Variants in ZBTB40 observed in about 807,000 individuals in gnomAD.
ZBTB40 encodes zinc finger and BTB domain containing 40, also known as zinc finger and BTB domain-containing protein 40.
In ZBTB40, 60 loss-of-function variants were observed where a neutral mutation model predicts 117.5. That is an observed-to-expected ratio of 0.51 (90% CI 0.41 to 0.63). The LOEUF (loss-of-function observed/expected upper bound fraction) is 0.63. Among genes scored for constraint, ZBTB40 ranks in the 30% least tolerant of loss-of-function variants. The pLI is 0.00. For synonymous variants in ZBTB40, 525 were observed against 577.1 expected (o/e 0.91, Z 1.29); for missense variants, 1,287 against 1,498.5 (o/e 0.86, Z 2.33).
chr1:22,496,966 T>G (rs1267591033), intron 3 of ZBTB40, among the ~76,000 whole-genome samples: 1 of 152,170 alleles, frequency 6.6e-6, no homozygotes, highest in Non-Finnish European at 1.5e-5. Context: ...GCCTTCAGTC[T>G]TTTGCCAAAG....
intron 1 of ZBTB40, among the ~76,000 whole-genome samples, chr1:22,444,127 T>C (rs1016891777): frequency 1.3e-5 from 2 of 152,134 alleles, no homozygotes; most frequent in African/African-American, 4.8e-5. Flanking sequence ...AAATAACAAT[T>C]GGTCGCTGGG....
At chr1:22,432,787 C>G (rs1640614115) in intron 1 of ZBTB40, among the ~76,000 whole-genome samples, 1 of 152,150 alleles carries the variant, frequency 6.6e-6, no homozygotes, top group South Asian at 2.1e-4. Flanking sequence ...CATTAGCACA[C>G]AAATAGCAAC....
At chr1:22,497,626 A>C (rs1041137161) in intron 3 of ZBTB40, among the ~76,000 whole-genome samples, 1 of 152,228 alleles carries the variant, frequency 6.6e-6, no homozygotes, top group Non-Finnish European at 1.5e-5. Flanking sequence ...CATTGAGACC[A>C]AGAAAAGTGA....
chr1:22,475,215 T>C (rs1641526124), intron 1 of ZBTB40, among the ~76,000 whole-genome samples: 1 of 152,230 alleles, frequency 6.6e-6, no homozygotes, highest in Non-Finnish European at 1.5e-5. Context: ...CTAGTGCTAA[T>C]GTGTTTCCCT....
chr1:22,431,063 C>G (rs565233494), intron 1 of ZBTB40, among the ~76,000 whole-genome samples: 51 of 151,550 alleles, frequency 3.4e-4, no homozygotes, highest in African/African-American at 1.2e-3. Flanking sequence ...GTTCTGTATC[C>G]TTGCTTTTGT....
At chr1:22,487,131 G>T (rs950392119) in intron 1 of ZBTB40, among the ~76,000 whole-genome samples, 2 of 152,128 alleles carry the variant, frequency 1.3e-5, no homozygotes, top group African/African-American at 4.8e-5. Flanking sequence ...CTTTTCTGAC[G>T]AATTAAAGAA....
intron 6 of ZBTB40, 67 bp from the exon 7 acceptor site, chr1:22,507,934 T>TA: frequency 6.2e-7 from 1 of 1,611,594 alleles, no homozygotes; most frequent in South Asian, 1.1e-5. Flanking sequence ...TCATTGGTAA[T>TA]ATCCTGGAGT....
chr1:22,468,643 C>CTTTTTTTTTTTT (rs71020424), intron 1 of ZBTB40, among the ~76,000 whole-genome samples: 2 of 28,608 alleles, frequency 7.0e-5, no homozygotes, highest in Non-Finnish European at 1.2e-4. Flanking sequence ...GCCTGGCTGG[C>CTTTTTTTTTTTT]TTTTTTTTTT....
At chr1:22,446,973 T>G (rs1640796725), upstream of ZBTB40, among the ~76,000 whole-genome samples, 1 of 152,002 alleles carries the variant, frequency 6.6e-6, no homozygotes, top group Non-Finnish European at 1.5e-5. Flanking sequence ...TATGGTGGCA[T>G]GCACCTGTAG....
intron 6 of ZBTB40, 150 bp downstream of exon 6, chr1:22,506,391 C>G (rs1639077501): frequency 2.4e-6 from 2 of 847,956 alleles, no homozygotes; most frequent in East Asian, 2.6e-5. Flanking sequence ...ATCGATAATT[C>G]TCGATCTCTC....
Position 22,502,400 on chromosome 1 carries a change from G to A in ZBTB40, c.1126G>A (p.Glu376Lys). Residue 376 changes from glutamate (E) to lysine (K), a missense_variant, in exon 5 of 18, where the codon GAA becomes AAA. Glu to Lys is a moderately conservative substitution (Grantham distance 56, BLOSUM62 1). This residue lies in a region of ZBTB40 where 870 missense variants were observed against 934.4 expected (regional missense o/e 0.93). Coordinates refer to ENST00000375647, the MANE Select transcript of ZBTB40 (RefSeq NM_014870.4). Reference sequence around the variant, plus strand: ...GCTGAGACCTATTATGGAGTCCCTGGAAACAGCCAAGGAGGAATTCCTGAC... The same window carrying A: ...GCTGAGACCTATTATGGAGTCCCTGAAAACAGCCAAGGAGGAATTCCTGAC... Reference protein sequence around the residue: ...TQLRPIMESLETAKEEFLTGT... With the variant: ...TQLRPIMESLKTAKEEFLTGT... The A allele has an allele frequency of 6.2e-7, 1 of 1,614,078 alleles. No individual in the cohort carries two copies. Among genetic ancestry groups the A allele is most frequent in the Non-Finnish European group, 8.5e-7 (1 of 1,179,982 alleles).
chr1:22,511,691 AAG>A lies in ZBTB40; in HGVS notation c.2020_2021del (p.Asp674TrpfsTer10). On this transcript the variant is annotated frameshift_variant, in exon 11 of 18. Transcript: ENST00000375647. LOFTEE classifies it high-confidence loss of function. ...TTTTATGCAGGTGTCCTTACTAAGGAAGATGGAGAGAAGGAAACGTGGAAGGT... is the reference window on the plus strand; with the variant it reads ...TTTTATGCAGGTGTCCTTACTAAGGAATGGAGAGAAGGAAACGTGGAAGGT... 6.2e-7 allele frequency: 1 copy of A among 1,610,688 alleles called. No homozygotes were observed. Among genetic ancestry groups the A allele is most frequent in the Non-Finnish European group, 8.5e-7 (1 of 1,179,166 alleles).
intron 1 of ZBTB40, among the ~76,000 whole-genome samples, chr1:22,431,382 G>GTATATATATATATA (rs1308135309): frequency 1.0e-3 from 16 of 15,480 alleles, no homozygotes; most frequent in African/African-American, 1.7e-3. Context: ...GTGTGTGTGT[G>GTATATATATATATA]TGTATATATA....
At position 22,511,853 on chromosome 1, in the gene ZBTB40, C is replaced by T; in HGVS notation, c.2180C>T (p.Ala727Val). 3 of 1,614,154 alleles carry T rather than the reference C, an allele frequency of 1.9e-6. No individual in the cohort carries two copies. The highest frequency in any genetic ancestry group is 2.5e-6 in the Non-Finnish European group (3 of 1,180,010). ...LPGQQEKEASASPDPAKKSFI... is the reference protein window; with the variant it reads ...LPGQQEKEASVSPDPAKKSFI... The stretch of plus-strand genomic sequence containing the variant: ...GGACAGCAAGAGAAAGAGGCTTCAG[C>T]CTCCCCAGACCCTGCCAAGAAGAGC... The change falls in exon 11 of 18, where the codon GCC (alanine) becomes GTC (valine). Residue 727 changes from alanine to valine, a missense_variant. Ala to Val is a moderately conservative substitution (Grantham distance 64). Coordinates refer to ENST00000375647, the MANE Select transcript of ZBTB40 (RefSeq NM_014870.4).
chr1:22,437,864 G>A (rs1033324047), intron 1 of ZBTB40, among the ~76,000 whole-genome samples: 4 of 19,636 alleles, frequency 2.0e-4, no homozygotes, highest in East Asian at 6.3e-3. Context: ...GGTGGCTCAC[G>A]CCTGTAATCC....
intron 1 of ZBTB40, among the ~76,000 whole-genome samples, chr1:22,483,394 T>C (rs1638380444): frequency 6.6e-6 from 1 of 152,188 alleles, no homozygotes; most frequent in Admixed American, 6.5e-5. Context: ...GTCTGTACTA[T>C]TTTGCATTCC....
rs757366537 is a variant in ZBTB40 at position 22,489,856 on chromosome 1, C to G, written c.-69-24C>G. ...CCCTATGGTTTTTTGAAGTTTTAAC[C>G]TGGTATTTTGTGGGTTTCTCTAGGG... is the stretch of plus-strand genomic sequence containing the variant. On this transcript the variant is annotated intron_variant, in intron 1 of 17. Transcript: ENST00000375647. 19 of 1,218,468 alleles carry G rather than the reference C, an allele frequency of 1.6e-5. No individual in the cohort carries two copies. In the Admixed American group the frequency reaches 2.5e-4, roughly 16 times the overall value. 75.5% of individuals were successfully genotyped at this position (1,218,468 alleles called of 1,614,324 possible).
chr1:22,465,903 G>A (rs550761955), intron 1 of ZBTB40, among the ~76,000 whole-genome samples: 1 of 152,312 alleles, frequency 6.6e-6, no homozygotes, highest in South Asian at 2.1e-4. Flanking sequence ...AGGCCTCCTT[G>A]CTTCAGCCAG....
At chr1:22,453,710 C>G (rs1418106583) in intron 1 of ZBTB40, among the ~76,000 whole-genome samples, 1 of 152,140 alleles carries the variant, frequency 6.6e-6, no homozygotes, top group African/African-American at 2.4e-5. Context: ...GAGAGATGTT[C>G]GAGGTTACAT....
Sources: allele counts gnomAD v4.1 joint callset (sites outside exome capture counted in the v4.1 genomes callset), GRCh38; gene constraint gnomAD v4.1.1; regional missense constraint gnomAD v4.1.1; transcripts MANE v1.5; gene names NCBI Gene and HGNC (gene_info 2026-07-23, HGNC 2026-07-21).